Variants in AHCY observed in about 807,000 individuals in gnomAD.
AHCY encodes the protein S-adenosyl-L-homocysteine hydrolase.
AHCY carries 24 observed loss-of-function variants against 45.4 expected under a neutral mutation model. The observed-to-expected ratio is 0.53, with a 90% CI of 0.38 to 0.74. AHCY has a LOEUF of 0.74. AHCY is among the 30% of genes least tolerant of loss of function. The probability of loss-of-function intolerance (pLI) is 0.00; values close to 1 mark genes in which losing one functional copy is unlikely to be tolerated. For missense variants in AHCY, 449 were observed against 594.1 expected (o/e 0.76, Z 2.54); for synonymous variants, 245 against 235.1 (o/e 1.04, Z -0.39).
chr20:34,236,012 AAG>A, the AHCY span, among the ~76,000 whole-genome samples: 16,875 of 113,756 alleles, frequency 0.15, 4,341 homozygotes, highest in African/African-American at 0.56. Flanking sequence ...GAAAGAGAGA[AAG>A]AGAGAGAGAA....
chr20:34,279,434 A>C (rs889947635), downstream of AHCY, among the ~76,000 whole-genome samples: 5 of 151,584 alleles, frequency 3.3e-5, no homozygotes, highest in Admixed American at 1.3e-4. Context: ...AAAAAAAAAA[A>C]ACAACAACTC....
intron 9 of AHCY, 57 bp from the exon 10 acceptor site, chr20:34,281,222 G>A (rs534615884): frequency 9.8e-5 from 158 of 1,606,760 alleles, no homozygotes; most frequent in Non-Finnish European, 6.6e-5. Flanking sequence ...ACCCCTACAC[G>A]CGTCTGGCTG....
At chr20:34,272,235 CCA>C in the AHCY span, among the ~76,000 whole-genome samples, 1 of 152,088 alleles carries the variant, frequency 6.6e-6, no homozygotes, top group East Asian at 1.9e-4. Context: ...ACTGACAGTC[CCA>C]TTGTTCAGGA....
upstream of AHCY, chr20:34,303,393 C>T (rs1238774237): frequency 2.1e-6 from 3 of 1,417,694 alleles, no homozygotes; most frequent in East Asian, 5.0e-5. Context: ...ATATCTTCCT[C>T]GCACTTGCAT....
the AHCY span, among the ~76,000 whole-genome samples, chr20:34,248,790 G>C: frequency 6.8e-6 from 1 of 147,792 alleles, no homozygotes; most frequent in Non-Finnish European, 1.5e-5. Context: ...ACAGAGCAAG[G>C]CCCTATCTAT....
chr20:34,300,557 G>C (rs543141674), intron 1 of AHCY, among the ~76,000 whole-genome samples: 6 of 126,456 alleles, frequency 4.7e-5, no homozygotes, highest in South Asian at 4.2e-4. Context: ...CTCCTCTCAA[G>C]CACCTAATAC....
intron 1 of AHCY, among the ~76,000 whole-genome samples, chr20:34,298,651 G>T (rs1051536048): frequency 7.0e-6 from 1 of 143,000 alleles, no homozygotes; most frequent in African/African-American, 2.5e-5. Context: ...GTTTAGAAAA[G>T]ACTCTGCTCC....
At chr20:34,294,935 G>A (rs2036522345) in intron 2 of AHCY, among the ~76,000 whole-genome samples, 1 of 152,200 alleles carries the variant, frequency 6.6e-6, no homozygotes, top group South Asian at 2.1e-4. Context: ...GCCCTACCCT[G>A]CTTTGGGAAA....
At chr20:34,253,325 C>T in the AHCY span, among the ~76,000 whole-genome samples, 5 of 151,804 alleles carry the variant, frequency 3.3e-5, no homozygotes, top group Non-Finnish European at 7.4e-5. Flanking sequence ...CCAGGATGGT[C>T]TTGATCTCCT....
intron 1 of AHCY, 52 bp from the exon 2 acceptor site, chr20:34,295,637 A>C: frequency 1.3e-6 from 2 of 1,585,582 alleles, no homozygotes; most frequent in Non-Finnish European, 1.7e-6. Context: ...CCCACCAACC[A>C]AGAGGGGCGG....
chr20:34,265,020 T>C, the AHCY span, among the ~76,000 whole-genome samples: 1 of 152,028 alleles, frequency 6.6e-6, no homozygotes, highest in Admixed American at 6.6e-5. Context: ...GGTCTCAAAC[T>C]CCTGAGTTCA....
At chr20:34,269,152 C>G in the AHCY span, 1 of 1,543,682 alleles carries the variant, frequency 6.5e-7, no homozygotes, top group Non-Finnish European at 8.7e-7. Context: ...GCCGCGTGCT[C>G]AGCCTCAACT....
intron 1 of AHCY, 130 bp downstream of exon 1, chr20:34,303,113 G>C (rs1397327698): frequency 6.7e-7 from 1 of 1,490,974 alleles, no homozygotes; most frequent in Non-Finnish European, 8.9e-7. Context: ...GCTTCGCGCG[G>C]CCAGAAACGC....
intron 2 of AHCY, chr20:34,295,176 C>G (rs1423129521): frequency 1.5e-6 from 1 of 667,270 alleles, no homozygotes; most frequent in East Asian, 2.8e-5. Flanking sequence ...TGAGGGTAGC[C>G]AACAGTGACC....
upstream of AHCY, among the ~76,000 whole-genome samples, chr20:34,305,525 A>G (rs921707991): frequency 1.3e-5 from 2 of 152,128 alleles, no homozygotes; most frequent in Admixed American, 6.6e-5. Context: ...TCTGCAGTGC[A>G]TTGCAGTGTG....
Position 34,290,503 on chromosome 20 carries a change from A to C in AHCY, c.854+48T>G. On this transcript the variant is annotated intron_variant, in intron 7 of 9. Coordinates refer to ENST00000217426, the MANE Select transcript of AHCY (RefSeq NM_000687.4). This position sits in a 1 kb window ranked among gnomAD's most constrained non-coding sequence, Gnocchi z 4.5. ...TTGTCAGGGACAGAAAGCTGTCCCA[A>C]CTCTGCCCTCCTCCCTCACTCCCCG... The C allele has an allele frequency of 6.2e-7, 1 of 1,613,008 alleles. No homozygotes were observed. The highest frequency in any genetic ancestry group is 8.5e-7 in the Non-Finnish European group (1 of 1,179,176).
At chr20:34,299,065 C>T (rs747677811) in intron 1 of AHCY, among the ~76,000 whole-genome samples, 3 of 152,106 alleles carry the variant, frequency 2.0e-5, no homozygotes, top group South Asian at 2.1e-4. Context: ...CCGGTCTCCG[C>T]GCATTGATGG....
chr20:34,245,158 A>C, the AHCY span, among the ~76,000 whole-genome samples: 1 of 151,244 alleles, frequency 6.6e-6, no homozygotes, highest in Non-Finnish European at 1.5e-5. Context: ...ACATGATGAA[A>C]CCCCGTCGCT....
At chr20:34,294,208 C>T in intron 2 of AHCY, 52 bp from the exon 3 acceptor site, 1 of 1,551,642 alleles carries the variant, frequency 6.4e-7, no homozygotes, top group Non-Finnish European at 8.9e-7. Context: ...TCAAAAGCAC[C>T]AGGGACGCTG....
Sources: allele counts gnomAD v4.1 joint callset (sites outside exome capture counted in the v4.1 genomes callset), GRCh38; gene constraint gnomAD v4.1.1; non-coding constraint Gnocchi (gnomAD v3.1); transcripts MANE v1.5; gene names NCBI Gene and HGNC (gene_info 2026-07-23, HGNC 2026-07-21).